The following OPCML variants were observed in gnomAD, a reference collection of about 807,000 sequenced individuals.
The protein encoded by OPCML is opioid binding protein/cell adhesion molecule like.
In OPCML, 13 loss-of-function variants were observed where a neutral mutation model predicts 37.8. That is an observed-to-expected ratio of 0.34 (90% CI 0.22 to 0.55). The LOEUF is 0.55. Ranked by LOEUF, OPCML falls within the 20% of genes least tolerant of loss-of-function variation. OPCML has a pLI of 0.91. For synonymous variants in OPCML, 176 were observed against 168.8 expected, an observed-to-expected ratio of 1.04 and a Z score of -0.33; for missense variants, 341 against 435.6, an observed-to-expected ratio of 0.78 and a Z score of 1.93.
At chr11:133,084,117 C>T (rs890465882) in intron 1 of OPCML, among the ~76,000 whole-genome samples, 2 of 151,990 alleles carry the variant, frequency 1.3e-5, no homozygotes, top group African/African-American at 4.8e-5. Context: ...TTGTACCTAC[C>T]CACAGAAAAG....
At chr11:133,336,501 G>A (rs375302125) in intron 1 of OPCML, among the ~76,000 whole-genome samples, 46 of 152,316 alleles carry the variant, frequency 3.0e-4, no homozygotes, top group Non-Finnish European at 5.4e-4. Context: ...AGACATAGTA[G>A]CATTGCTTTT....
intron 1 of OPCML, among the ~76,000 whole-genome samples, chr11:133,324,415 G>GA (rs769953637): frequency 6.6e-6 from 1 of 152,124 alleles, no homozygotes; most frequent in African/African-American, 2.4e-5. Context: ...CAGCCCAAGT[G>GA]AAAAAATCAA....
intron 2 of OPCML, among the ~76,000 whole-genome samples, chr11:132,895,287 C>T (rs998717726): frequency 4.6e-5 from 7 of 152,286 alleles, no homozygotes; most frequent in South Asian, 2.1e-4. Context: ...GCAGAACCAA[C>T]GAATATAATG....
intron 2 of OPCML, among the ~76,000 whole-genome samples, chr11:132,660,378 CAA>C (rs1280052894): frequency 1.3e-5 from 2 of 152,134 alleles, no homozygotes; most frequent in Non-Finnish European, 2.9e-5. Context: ...TCGCAGCTGA[CAA>C]ATCAATTAAT....
At chr11:132,999,135 C>A (rs920785698) in intron 1 of OPCML, among the ~76,000 whole-genome samples, 2 of 152,216 alleles carry the variant, frequency 1.3e-5, no homozygotes, top group Admixed American at 6.5e-5. Context: ...TTCCTGCTCC[C>A]AGCAGTCCTG....
At chr11:132,780,012 T>C (rs1946947267) in intron 2 of OPCML, among the ~76,000 whole-genome samples, 1 of 152,190 alleles carries the variant, frequency 6.6e-6, no homozygotes, top group Non-Finnish European at 1.5e-5. Context: ...ATAGATCACA[T>C]AGTGTGTGAG....
rs541384275 is a variant in OPCML at position 133,331,251 on chromosome 11, G to A, written c.61+201013C>T. Among the ~76,000 whole-genome samples, 8 of 152,336 alleles carry A rather than the reference G, an allele frequency of 5.3e-5. No individual in the cohort carries two copies. The East Asian group carries it at 1.5e-3, about 29-fold the overall frequency. ...GCCTGCTGGCCTGGTAAGCTGGTAA[G>A]TTGCAAAAGGAGGAAGAATTGGCTG... On this transcript the variant is annotated intron_variant, in intron 1 of 7. Coordinates refer to ENST00000524381, the MANE Select transcript of OPCML (RefSeq NM_001012393.5).
At chr11:133,014,013 G>A (rs561241867) in intron 1 of OPCML, among the ~76,000 whole-genome samples, 2 of 152,114 alleles carry the variant, frequency 1.3e-5, no homozygotes, top group African/African-American at 2.4e-5. Flanking sequence ...CACCACCACC[G>A]CTAGGAAGAA....
chr11:132,756,235 G>T (rs998097954), intron 2 of OPCML, among the ~76,000 whole-genome samples: 1 of 152,060 alleles, frequency 6.6e-6, no homozygotes, highest in Admixed American at 6.6e-5. Flanking sequence ...TGAAATACTC[G>T]GATGCTAGTG....
At chr11:133,501,536 A>G (rs987006714) in intron 1 of OPCML, among the ~76,000 whole-genome samples, 1 of 152,220 alleles carries the variant, frequency 6.6e-6, no homozygotes, top group Non-Finnish European at 1.5e-5. Flanking sequence ...TATGAGAAAA[A>G]GAAGACATAG....
At chr11:132,613,609 C>T (rs965798869) in intron 3 of OPCML, among the ~76,000 whole-genome samples, 10 of 152,266 alleles carry the variant, frequency 6.6e-5, no homozygotes, top group African/African-American at 1.4e-4. Context: ...CCTTGTATGA[C>T]TAATCTTAGG....
chr11:133,486,008 T>C (rs1947518657), intron 1 of OPCML, among the ~76,000 whole-genome samples: 1 of 152,190 alleles, frequency 6.6e-6, no homozygotes. Context: ...ATAATGTGCC[T>C]TACAGAGAAA....
In OPCML at chr11:133,388,361, C is replaced by T. The variant is rs529943750; in HGVS notation, c.61+143903G>A. Among the ~76,000 whole-genome samples the T allele has an allele frequency of 2.0e-5, 3 of 152,060 alleles. No individual in the cohort carries two copies. The South Asian group carries it at 6.2e-4, about 32-fold the overall frequency. On this transcript the variant is annotated intron_variant, in intron 1 of 7. Transcript: ENST00000524381. ...CCTGGAAAATGTAAAAGTGAATGGACCCTTGAGGAATGAGCTGGGCCTCTA... is the reference window on the plus strand; with the variant it reads ...CCTGGAAAATGTAAAAGTGAATGGATCCTTGAGGAATGAGCTGGGCCTCTA...
intron 1 of OPCML, among the ~76,000 whole-genome samples, chr11:133,322,348 A>G (rs1943351490): frequency 6.6e-6 from 1 of 152,234 alleles, no homozygotes; most frequent in South Asian, 2.1e-4. Flanking sequence ...ATACATGCAC[A>G]TCCCGCACAC....
intron 1 of OPCML, among the ~76,000 whole-genome samples, chr11:133,340,508 CGT>C (rs3220249): frequency 0.048 from 7,274 of 151,874 alleles, 466 homozygotes; most frequent in African/African-American, 0.14. Flanking sequence ...AAATTAACAC[CGT>C]GTGTGTGTAT....
rs191509145 is a variant in OPCML at position 133,333,809 on chromosome 11, C to A, written c.61+198455G>T. 5.8e-3 allele frequency among the ~76,000 whole-genome samples: 889 copies of A among 152,152 alleles called. 13 individuals carry two copies. The highest frequency in any genetic ancestry group is 0.02 in the African/African-American group (842 of 41,502). On this transcript the variant is annotated intron_variant, in intron 1 of 7. Transcript: ENST00000524381. ...AAATTTACAAGAGAAAAACAAAAAA[C>A]CCCATTGAAAAGTGGGCAAAGGACA...
At chr11:133,435,405 A>C (rs1372127638) in intron 1 of OPCML, among the ~76,000 whole-genome samples, 1 of 152,180 alleles carries the variant, frequency 6.6e-6, no homozygotes, top group Admixed American at 6.5e-5. Flanking sequence ...TGAAAGAAGA[A>C]AAAAAAGAAA....
At chr11:133,240,224 A>AC (rs998751602) in intron 1 of OPCML, among the ~76,000 whole-genome samples, 7 of 151,502 alleles carry the variant, frequency 4.6e-5, no homozygotes, top group Non-Finnish European at 8.8e-5. Context: ...AAAAAAAAAA[A>AC]AAAAAAAAAA....
At chr11:133,338,778 G>A (rs954322325) in intron 1 of OPCML, among the ~76,000 whole-genome samples, 3 of 152,184 alleles carry the variant, frequency 2.0e-5, no homozygotes, top group African/African-American at 7.2e-5. Flanking sequence ...TGTCTGCTAG[G>A]GAAAAGCTTT....
Sources: gnomAD v4.1 joint callset for allele counts (sites outside exome capture counted in the v4.1 genomes callset) on GRCh38, gnomAD v4.1.1 for gene constraint, MANE v1.5 for transcripts, NCBI Gene and HGNC (gene_info 2026-07-23, HGNC 2026-07-21) for gene names.